The following FOCAD variants were observed in gnomAD, a reference collection of about 807,000 sequenced individuals.
FOCAD encodes the protein focadhesin.
FOCAD carries 198 observed loss-of-function variants against 225.6 expected under a neutral mutation model. The observed-to-expected ratio is 0.88, with a 90% CI of 0.78 to 0.99. The LOEUF is 0.99. Ranked by LOEUF, FOCAD falls within the 50% of genes least tolerant of loss-of-function variation. FOCAD has a pLI of 0.00. For synonymous variants in FOCAD, 897 were observed against 755.0 expected, an observed-to-expected ratio of 1.19 and a Z score of -3.08; for missense variants, 2,713 against 2,123.6, an observed-to-expected ratio of 1.28 and a Z score of -5.46.
At chr9:20,899,451 G>T (rs1203564901) in intron 21 of FOCAD, among the ~76,000 whole-genome samples, 1 of 151,944 alleles carries the variant, frequency 6.6e-6, no homozygotes, top group Non-Finnish European at 1.5e-5. Context: ...TCTCTCTGTA[G>T]CTGCCTGTCT....
At chr9:20,858,116 T>C (rs75186222) in intron 15 of FOCAD, among the ~76,000 whole-genome samples, 3,386 of 152,122 alleles carry the variant, frequency 0.022, 64 homozygotes, top group Non-Finnish European at 0.034. Flanking sequence ...AGAATGAATT[T>C]GGAAGTATTT....
chr9:20,839,251 C>A (rs886112780), intron 15 of FOCAD, among the ~76,000 whole-genome samples: 2 of 135,008 alleles, frequency 1.5e-5, no homozygotes, highest in Non-Finnish European at 3.2e-5. Flanking sequence ...TATGGAATTT[C>A]TTTCTTTCTT....
rs773782642 is a variant in FOCAD, at chr9:20,990,369, C to G, written c.5251C>G (p.Gln1751Glu). 7 of 1,613,256 alleles carry G rather than the reference C, an allele frequency of 4.3e-6. No individual in the cohort carries two copies. The Admixed American group carries it at 1.2e-4, about 27-fold the overall frequency. The change falls in exon 42 of 44, where the codon CAG (glutamine) becomes GAG (glutamate). Residue 1751 changes from glutamine to glutamate, a missense_variant. By Grantham distance (29) the Gln-to-Glu change is conservative. Transcript: ENST00000338382. Reference protein sequence around the residue: ...LQKEPWKEQTQKFIDWLFSIM... With the variant: ...LQKEPWKEQTEKFIDWLFSIM... The stretch of plus-strand genomic sequence containing the variant: ...GAAAGAGCCATGGAAGGAACAGACC[C>G]AGAAGGTGAGGCTGGCAGCCACCTG...
chr9:20,818,302 A>G (rs1363564061), intron 11 of FOCAD, among the ~76,000 whole-genome samples: 1 of 152,066 alleles, frequency 6.6e-6, no homozygotes, highest in Non-Finnish European at 1.5e-5. Context: ...TGGTTTGCAA[A>G]TATTCTTTCC....
At chr9:20,928,844 A>G (rs1018331956) in intron 26 of FOCAD, 1 of 152,338 alleles carries the variant, frequency 6.6e-6, no homozygotes, top group African/African-American at 2.4e-5. Flanking sequence ...GAGATGTGCC[A>G]ATAGATCCCT....
chr9:20,829,598 A>C (rs534007279), intron 15 of FOCAD, among the ~76,000 whole-genome samples: 4 of 152,100 alleles, frequency 2.6e-5, no homozygotes, highest in Non-Finnish European at 5.9e-5. Flanking sequence ...TGCTTTTAAC[A>C]ATAAAAAAAT....
Position 20,923,764 on chromosome 9 carries a change from T to TGG in FOCAD, c.2958_2959dup (p.Glu987GlyfsTer10). The TGG allele has an allele frequency of 3.1e-6, 5 of 1,611,868 alleles. No individual in the cohort carries two copies. The highest frequency in any genetic ancestry group is 4.2e-6 in the Non-Finnish European group (5 of 1,178,206). On this transcript the variant is annotated frameshift_variant, in exon 25 of 44. Coordinates refer to ENST00000338382, the MANE Select transcript of FOCAD (RefSeq NM_001375567.1). LOFTEE classifies it high-confidence loss of function. The stretch of plus-strand genomic sequence containing the variant: ...CTCTCCTCAGACTCTGACGGGCTCC[T>TGG]GGAGGTTAGTTGGGGTGATTTAAAC...
At chr9:20,943,663 GA>G (rs1564185787) in intron 28 of FOCAD, among the ~76,000 whole-genome samples, 1 of 152,102 alleles carries the variant, frequency 6.6e-6, no homozygotes, top group Non-Finnish European at 1.5e-5. Context: ...AGAGCAAAAT[GA>G]CCTAACATGT....
intron 11 of FOCAD, among the ~76,000 whole-genome samples, chr9:20,807,418 A>G (rs1271406731): frequency 1.3e-5 from 2 of 152,254 alleles, no homozygotes; most frequent in African/African-American, 4.8e-5. Flanking sequence ...AATATGAGCT[A>G]CATACGTAGG....
intron 1 of FOCAD, among the ~76,000 whole-genome samples, chr9:20,685,196 A>ATTTTTTT (rs397959541): frequency 0.037 from 5,275 of 142,774 alleles, 294 homozygotes; most frequent in African/African-American, 0.13. Flanking sequence ...TGAGTTGGAA[A>ATTTTTTT]TTTTTTTTTT....
intron 21 of FOCAD, among the ~76,000 whole-genome samples, chr9:20,886,687 A>G (rs1831127309): frequency 6.6e-6 from 1 of 152,192 alleles, no homozygotes; most frequent in Non-Finnish European, 1.5e-5. Context: ...GGTCAATTAG[A>G]AGGCGTATTG....
chr9:20,867,329 C>T (rs1028718586), intron 18 of FOCAD, among the ~76,000 whole-genome samples: 5 of 151,856 alleles, frequency 3.3e-5, no homozygotes, highest in African/African-American at 1.2e-4. Flanking sequence ...CCAAGCATGG[C>T]CTTCATAGAC....
chr9:20,851,341 C>G (rs1564071290), intron 15 of FOCAD, among the ~76,000 whole-genome samples: 1 of 151,484 alleles, frequency 6.6e-6, no homozygotes, highest in Non-Finnish European at 1.5e-5. Flanking sequence ...TTTCTAAAAC[C>G]AGATATCTGC....
At chr9:20,690,840 G>C (rs973386210) in intron 1 of FOCAD, among the ~76,000 whole-genome samples, 2 of 151,702 alleles carry the variant, frequency 1.3e-5, no homozygotes, top group African/African-American at 4.8e-5. Context: ...CACCATGCCT[G>C]GCCCTTTCAT....
chr9:20,932,890 C>CTTT, intron 27 of FOCAD, 124 bp from the exon 28 acceptor site: 15 of 617,434 alleles, frequency 2.4e-5, no homozygotes, highest in South Asian at 7.0e-5. Context: ...AATATTGTCA[C>CTTT]TTTTTTTTTT....
At chr9:20,982,571 CTA>C in intron 39 of FOCAD, 125 bp downstream of exon 39, 1 of 725,336 alleles carries the variant, frequency 1.4e-6, no homozygotes, top group Non-Finnish European at 2.3e-6. Context: ...TTTCAGGAAA[CTA>C]TATTTCATTT....
At chr9:20,975,135 A>G (rs577735677) in intron 35 of FOCAD, among the ~76,000 whole-genome samples, 1 of 151,766 alleles carries the variant, frequency 6.6e-6, no homozygotes, top group African/African-American at 2.4e-5. Flanking sequence ...GCCGATGTTG[A>G]TCCTGCTCCT....
At chr9:20,878,132 A>T (rs1198280715) in intron 19 of FOCAD, among the ~76,000 whole-genome samples, 1 of 152,236 alleles carries the variant, frequency 6.6e-6, no homozygotes, top group Admixed American at 6.5e-5. Flanking sequence ...TGTAAAAAAA[A>T]AAATGCATAA....
rs79459826 is a variant in FOCAD, at chr9:20,811,104, T to G, written c.1456-8692T>G. On this transcript the variant is annotated intron_variant, in intron 11 of 43. Transcript: ENST00000338382. Reference sequence around the variant, plus strand: ...TAGAATCAAATAATTGCAACATTATTATAAGATCCATTTGCTTATAGAATT... The same window carrying G: ...TAGAATCAAATAATTGCAACATTATGATAAGATCCATTTGCTTATAGAATT... Among the ~76,000 whole-genome samples the G allele has an allele frequency of 4.0e-3, 608 of 152,184 alleles. 4 individuals carry two copies. The highest frequency in any genetic ancestry group is 0.014 in the African/African-American group (577 of 41,540).
Sources: gnomAD v4.1 joint callset for allele counts (sites outside exome capture counted in the v4.1 genomes callset) on GRCh38, gnomAD v4.1.1 for gene constraint, MANE v1.5 for transcripts, NCBI Gene and HGNC (gene_info 2026-07-23, HGNC 2026-07-21) for gene names.